LAMA2: variants seen among roughly 807,000 people sequenced by gnomAD.
LAMA2 encodes the protein laminin subunit alpha 2, also known as laminin subunit alpha-2.
Under a neutral mutation model 364.8 loss-of-function variants are expected in LAMA2, and 269 were observed. That is an observed-to-expected ratio of 0.74 (90% CI 0.67 to 0.82). The LOEUF (loss-of-function observed/expected upper bound fraction) is 0.82. LAMA2 is among the 40% of genes least tolerant of loss of function. The probability of loss-of-function intolerance (pLI) is 0.00; values close to 1 mark genes in which losing one functional copy is unlikely to be tolerated. For synonymous variants in LAMA2, 1,379 were observed against 1,370.6 expected, an observed-to-expected ratio of 1.01 and a Z score of -0.14; for missense variants, 3,807 against 3,873.2, an observed-to-expected ratio of 0.98 and a Z score of 0.45.
chr6:129,144,412 G>T (rs887991366), intron 5 of LAMA2, among the ~76,000 whole-genome samples: 1 of 151,762 alleles, frequency 6.6e-6, no homozygotes, highest in Non-Finnish European at 1.5e-5. Flanking sequence ...TCACCTTAGG[G>T]GATCTATACT....
intron 10 of LAMA2, among the ~76,000 whole-genome samples, chr6:129,180,425 A>G (rs978063192): frequency 6.6e-6 from 1 of 152,166 alleles, no homozygotes; most frequent in Non-Finnish European, 1.5e-5. Context: ...AAACATTTGT[A>G]CCTTTATTCT....
intron 34 of LAMA2, among the ~76,000 whole-genome samples, chr6:129,371,247 ATGTGTGTGTGTGTG>A (rs66522065): frequency 6.7e-6 from 1 of 148,278 alleles, no homozygotes; most frequent in African/African-American, 2.5e-5. Context: ...GAACTTTGAG[ATGTGTGTGTGTGTG>A]TGTGTGTGTG....
At chr6:129,197,765 A>T (rs1307289889) in intron 12 of LAMA2, among the ~76,000 whole-genome samples, 3 of 152,188 alleles carry the variant, frequency 2.0e-5, no homozygotes, top group Non-Finnish European at 4.4e-5. Flanking sequence ...AAAACAAAAA[A>T]AATCAAGGAC....
chr6:129,367,396 A>G (rs1474322101), intron 33 of LAMA2, among the ~76,000 whole-genome samples: 3 of 152,258 alleles, frequency 2.0e-5, no homozygotes, highest in Non-Finnish European at 4.4e-5. Context: ...TCATTAAACA[A>G]TAATCAAGCA....
chr6:129,516,285 G>GTTAA lies in LAMA2; in HGVS notation c.9310_9313dup (p.Phe3105Ter). ...CAAAGGCACAGGCAAGCCACTGGAG[G>GTTAA]TTAATTTTGCCAAGGCCCTGGAACT... is the stretch of plus-strand genomic sequence containing the variant. On this transcript the variant is annotated frameshift_variant, in exon 65 of 65. Transcript: ENST00000421865. LOFTEE classifies it high-confidence loss of function. 7 of 1,614,098 alleles carry GTTAA rather than the reference G, an allele frequency of 4.3e-6. No homozygotes were observed. Among genetic ancestry groups the GTTAA allele is most frequent in the Non-Finnish European group, 3.4e-6 (4 of 1,179,998 alleles).
At chr6:129,104,968 G>A (rs1019898440) in intron 4 of LAMA2, among the ~76,000 whole-genome samples, 1 of 152,164 alleles carries the variant, frequency 6.6e-6, no homozygotes, top group Non-Finnish European at 1.5e-5. Context: ...GGATAATGGA[G>A]GATATAGGCA....
intron 15 of LAMA2, among the ~76,000 whole-genome samples, chr6:129,264,059 T>G (rs1787322197): frequency 6.6e-6 from 1 of 152,132 alleles, no homozygotes; most frequent in Non-Finnish European, 1.5e-5. Context: ...TACATTTTTT[T>G]GAAGAAGGCA....
intron 41 of LAMA2, among the ~76,000 whole-genome samples, chr6:129,429,898 C>A (rs1203242121): frequency 6.6e-6 from 1 of 151,860 alleles, no homozygotes; most frequent in Non-Finnish European, 1.5e-5. Flanking sequence ...CATTTTTTTT[C>A]CAAGAGAAAA....
intron 12 of LAMA2, among the ~76,000 whole-genome samples, chr6:129,205,718 T>C (rs1782595659): frequency 6.6e-6 from 1 of 151,952 alleles, no homozygotes; most frequent in African/African-American, 2.4e-5. Flanking sequence ...ATCCAAGGTG[T>C]ATTTTAAATA....
intron 57 of LAMA2, 59 bp downstream of exon 57, chr6:129,492,136 G>T: frequency 6.7e-7 from 1 of 1,496,180 alleles, no homozygotes; most frequent in South Asian, 1.1e-5. Context: ...TGCTATTAGG[G>T]GTCCCAATGC....
intron 23 of LAMA2, among the ~76,000 whole-genome samples, chr6:129,313,313 A>C (rs932905895): frequency 1.3e-5 from 2 of 151,900 alleles, no homozygotes; most frequent in Non-Finnish European, 2.9e-5. Flanking sequence ...ACCCAAACCC[A>C]CCTTTTTTTC....
intron 29 of LAMA2, among the ~76,000 whole-genome samples, chr6:129,329,209 T>G (rs773787794): frequency 1.6e-4 from 24 of 152,212 alleles, no homozygotes; most frequent in Non-Finnish European, 3.1e-4. Context: ...ACCATTCTAC[T>G]GAGCCTTGTG....
intron 3 of LAMA2, among the ~76,000 whole-genome samples, chr6:129,086,171 T>C (rs1300286417): frequency 1.3e-5 from 2 of 152,200 alleles, no homozygotes; most frequent in African/African-American, 4.8e-5. Flanking sequence ...ATATTTAAGA[T>C]TGTCATTTTG....
At chr6:129,266,268 C>T (rs940007437) in intron 15 of LAMA2, among the ~76,000 whole-genome samples, 1 of 152,040 alleles carries the variant, frequency 6.6e-6, no homozygotes, top group Non-Finnish European at 1.5e-5. Flanking sequence ...TTGTAGTAAT[C>T]CCCACAGATG....
chr6:129,166,189 G>A (rs1234761541), intron 9 of LAMA2, among the ~76,000 whole-genome samples: 1 of 152,130 alleles, frequency 6.6e-6, no homozygotes, highest in African/African-American at 2.4e-5. Context: ...AACAGAAAGA[G>A]GCTGACACTA....
chr6:129,348,126 G>C (rs1474563203), intron 30 of LAMA2, among the ~76,000 whole-genome samples: 2 of 152,234 alleles, frequency 1.3e-5, no homozygotes, highest in Non-Finnish European at 2.9e-5. Context: ...AAATTTGGCA[G>C]AGTGTGTCAG....
At chr6:129,190,521 T>C (rs1168196635) in intron 11 of LAMA2, among the ~76,000 whole-genome samples, 176 bp downstream of exon 11, 1 of 152,236 alleles carries the variant, frequency 6.6e-6, no homozygotes, top group Admixed American at 6.5e-5. Context: ...CCTTTGAGGT[T>C]GTATTTGTAA....
At chr6:129,094,697 C>A (rs373812802) in intron 3 of LAMA2, among the ~76,000 whole-genome samples, 2 of 152,020 alleles carry the variant, frequency 1.3e-5, no homozygotes, top group Admixed American at 1.3e-4. Flanking sequence ...TTAAAAAAAT[C>A]TCTATGTTTT....
intron 61 of LAMA2, 129 bp from the exon 62 acceptor site, chr6:129,507,360 T>TGGG: frequency 1.1e-6 from 1 of 948,314 alleles, no homozygotes; most frequent in Non-Finnish European, 1.7e-6. Flanking sequence ...CAGGCAGCTT[T>TGGG]GGGGGATATC....
Sources: gnomAD v4.1 joint callset for allele counts (sites outside exome capture counted in the v4.1 genomes callset) on GRCh38, gnomAD v4.1.1 for gene constraint, MANE v1.5 for transcripts, NCBI Gene and HGNC (gene_info 2026-07-23, HGNC 2026-07-21) for gene names.